The following SLC7A1 variants were observed in gnomAD, a reference collection of about 807,000 sequenced individuals.
The protein encoded by SLC7A1 is solute carrier family 7 member 1.
SLC7A1 carries 10 observed loss-of-function variants against 53.9 expected under a neutral mutation model. That is an observed-to-expected ratio of 0.19 (90% CI 0.11 to 0.31). The LOEUF is 0.31. SLC7A1 is among the 10% of genes least tolerant of loss of function. The probability of loss-of-function intolerance (pLI) is 1.00; values close to 1 mark genes in which losing one functional copy is unlikely to be tolerated. For missense variants in SLC7A1, 525 were observed against 827.2 expected (o/e 0.63, Z 4.48); for synonymous variants, 342 against 338.7 (o/e 1.01, Z -0.11).
intron 2 of SLC7A1, among the ~76,000 whole-genome samples, chr13:29,544,918 T>G (rs1264471133): frequency 6.7e-6 from 1 of 148,258 alleles, no homozygotes; most frequent in Non-Finnish European, 1.5e-5. Context: ...CCCCTCAAGA[T>G]GCTCCCCCAG....
intron 2 of SLC7A1, among the ~76,000 whole-genome samples, chr13:29,543,621 G>A (rs190931960): frequency 6.6e-6 from 1 of 152,082 alleles, no homozygotes; most frequent in Non-Finnish European, 1.5e-5. Context: ...GGTGCGGAAG[G>A]AGGCAGGGAT....
rs79333314 is a variant in SLC7A1 at position 29,525,620 on chromosome 13, C to T, written c.705-1367G>A. Among the ~76,000 whole-genome samples, 169 of 152,318 alleles carry T rather than the reference C, an allele frequency of 1.1e-3. 1 individual carries two copies. In the East Asian group the frequency reaches 0.029, roughly 26 times the overall value. On this transcript the variant is annotated intron_variant, in intron 5 of 12. Transcript: ENST00000380752. The stretch of plus-strand genomic sequence containing the variant: ...GCCTTACTAATTCCTAGAGGATCAT[C>T]ACAGCTCTCAGTTACAGAAACTGCC...
chr13:29,572,937 C>T (rs570035161), intron 1 of SLC7A1, among the ~76,000 whole-genome samples: 1 of 152,258 alleles, frequency 6.6e-6, no homozygotes, highest in Non-Finnish European at 1.5e-5. Flanking sequence ...GATAAGTGGT[C>T]CAGGAGAAAC....
chr13:29,560,213 C>T (rs1286149675), intron 1 of SLC7A1, among the ~76,000 whole-genome samples: 1 of 151,866 alleles, frequency 6.6e-6, no homozygotes, highest in African/African-American at 2.4e-5. Context: ...CTACACATAG[C>T]CAGGATGATC....
At chr13:29,555,363 A>AAAAAAAAAAAAAAAAAAAG (rs1870391688) in intron 1 of SLC7A1, among the ~76,000 whole-genome samples, 1 of 135,058 alleles carries the variant, frequency 7.4e-6, no homozygotes, top group Non-Finnish European at 1.6e-5. Flanking sequence ...GTCTCAAAAA[A>AAAAAAAAAAAAAAAAAAAG]AAAAAAAAAA....
intron 1 of SLC7A1, among the ~76,000 whole-genome samples, chr13:29,594,766 G>C (rs751269987): frequency 2.0e-4 from 30 of 152,194 alleles, no homozygotes; most frequent in Non-Finnish European, 1.6e-4. Flanking sequence ...GGACCCAGAC[G>C]AGAGGTGCAG....
At chr13:29,533,648 A>C (rs558441037) in intron 3 of SLC7A1, among the ~76,000 whole-genome samples, 3 of 152,288 alleles carry the variant, frequency 2.0e-5, no homozygotes, top group Non-Finnish European at 4.4e-5. Context: ...AGGACAGCAG[A>C]CAGACCCCAG....
intron 1 of SLC7A1, among the ~76,000 whole-genome samples, chr13:29,593,797 G>A (rs9579414): frequency 0.035 from 5,226 of 151,168 alleles, 123 homozygotes; most frequent in Middle Eastern, 0.17. Context: ...GTAATCATAT[G>A]TACAGGAGCA....
At chr13:29,543,085 C>T (rs1235366460) in intron 2 of SLC7A1, among the ~76,000 whole-genome samples, 2 of 152,192 alleles carry the variant, frequency 1.3e-5, no homozygotes, top group African/African-American at 4.8e-5. Context: ...TGGGCAAACC[C>T]CCAGTCCTTA....
chr13:29,548,137 G>A (rs1022801836), intron 2 of SLC7A1, among the ~76,000 whole-genome samples: 2 of 152,204 alleles, frequency 1.3e-5, no homozygotes, highest in South Asian at 4.1e-4. Flanking sequence ...ACTTCTCTGG[G>A]CCTAAGTCTG....
At position 29,519,447 on chromosome 13, in the gene SLC7A1, C is replaced by T. The variant is rs997168715; in HGVS notation, c.1292G>A (p.Arg431Gln). 6.3e-7 allele frequency: 1 copy of T among 1,597,032 alleles called. No homozygotes were observed. Among genetic ancestry groups the T allele is most frequent in the Non-Finnish European group, 8.6e-7 (1 of 1,164,734 alleles). Reference sequence around the variant, plus strand: ...TGAGACCCCCAAAAGCCATACATACCGTAAGACCAACACACAGGCAGCCAC... The same window carrying T: ...TGAGACCCCCAAAAGCCATACATACTGTAAGACCAACACACAGGCAGCCAC... ...SLVAACVLVL[R>Q]YQPEQPNLVY... The change falls in exon 9 of 13, where the codon CGG becomes CAG. Residue 431 changes from arginine to glutamine, a missense_variant and splice_region_variant. Coordinates refer to ENST00000380752, the MANE Select transcript of SLC7A1 (RefSeq NM_003045.5).
intron 2 of SLC7A1, among the ~76,000 whole-genome samples, chr13:29,543,779 T>C (rs903748429): frequency 6.7e-6 from 1 of 149,378 alleles, no homozygotes; most frequent in African/African-American, 2.5e-5. Flanking sequence ...GGATCAGAGG[T>C]TCTACAGGAG....
At chr13:29,546,140 G>A (rs1048261953) in intron 2 of SLC7A1, among the ~76,000 whole-genome samples, 6 of 152,308 alleles carry the variant, frequency 3.9e-5, no homozygotes, top group African/African-American at 1.2e-4. Flanking sequence ...GGGCAGGTCC[G>A]CAGGGAGACT....
chr13:29,570,084 G>A (rs1016188258), intron 1 of SLC7A1, among the ~76,000 whole-genome samples: 2 of 152,188 alleles, frequency 1.3e-5, no homozygotes, highest in Non-Finnish European at 2.9e-5. Context: ...GGGCCAGCAG[G>A]TGAAATTACC....
chr13:29,553,568 G>A (rs1870297843), intron 2 of SLC7A1, among the ~76,000 whole-genome samples, 193 bp downstream of exon 2: 1 of 152,172 alleles, frequency 6.6e-6, no homozygotes, highest in Non-Finnish European at 1.5e-5. Flanking sequence ...CTGGGTCAAT[G>A]GGTCTGGACA....
chr13:29,573,503 G>A (rs1415450655), intron 1 of SLC7A1, among the ~76,000 whole-genome samples: 1 of 152,218 alleles, frequency 6.6e-6, no homozygotes, highest in Non-Finnish European at 1.5e-5. Context: ...AAGCCAGAGA[G>A]TGTCTGACTC....
chr13:29,563,134 G>A (rs969798032), intron 1 of SLC7A1, among the ~76,000 whole-genome samples: 14 of 152,348 alleles, frequency 9.2e-5, no homozygotes, highest in African/African-American at 2.6e-4. Flanking sequence ...GCTCTCAACT[G>A]GGGGTGACTC....
chr13:29,527,866 G>A (rs1040944470), intron 5 of SLC7A1, among the ~76,000 whole-genome samples: 4 of 152,238 alleles, frequency 2.6e-5, no homozygotes, highest in Non-Finnish European at 5.9e-5. Flanking sequence ...CTTCTACGTG[G>A]TAATGGAAAC....
intron 1 of SLC7A1, among the ~76,000 whole-genome samples, chr13:29,589,605 G>A (rs1262249788): frequency 6.6e-6 from 1 of 152,216 alleles, no homozygotes; most frequent in Non-Finnish European, 1.5e-5. Context: ...GGAAATCAGG[G>A]CAAAGAGAGG....
Sources: gnomAD v4.1 joint callset for allele counts (sites outside exome capture counted in the v4.1 genomes callset) on GRCh38, gnomAD v4.1.1 for gene constraint, MANE v1.5 for transcripts, NCBI Gene and HGNC (gene_info 2026-07-23, HGNC 2026-07-21) for gene names.